The following HECA variants were observed in gnomAD, a reference collection of about 807,000 sequenced individuals.
The protein encoded by HECA is headcase protein homolog.
Under a neutral mutation model 37.6 loss-of-function variants are expected in HECA, and 13 were observed. The ratio of observed to expected loss-of-function variants is 0.35; its 90% CI spans 0.23 to 0.55. The LOEUF is 0.55. HECA is among the 20% of genes least tolerant of loss of function. The pLI, the probability that HECA is intolerant of heterozygous loss-of-function variation, is 0.90. For missense variants in HECA, 527 were observed against 701.9 expected (o/e 0.75, Z 2.82); for synonymous variants, 307 against 291.5 (o/e 1.05, Z -0.54).
chr6:139,144,048 G>C (rs915120514), intron 1 of HECA, among the ~76,000 whole-genome samples: 3 of 152,076 alleles, frequency 2.0e-5, no homozygotes, highest in African/African-American at 7.2e-5. Context: ...AGGAGCCCAG[G>C]ATGTACTTTG....
At chr6:139,136,487 A>T (rs1774438292) in intron 1 of HECA, among the ~76,000 whole-genome samples, 1 of 152,022 alleles carries the variant, frequency 6.6e-6, no homozygotes, top group African/African-American at 2.4e-5. Context: ...ACTTATTTGG[A>T]CAGTTCTTTG....
intron 1 of HECA, among the ~76,000 whole-genome samples, chr6:139,135,935 G>T (rs2114427229): frequency 1.3e-5 from 2 of 152,034 alleles, no homozygotes; most frequent in East Asian, 3.9e-4. Flanking sequence ...CTGCCCTCGG[G>T]CCCAGCCTGC....
intron 1 of HECA, among the ~76,000 whole-genome samples, chr6:139,159,791 C>T (rs1026164679): frequency 7.2e-5 from 11 of 152,164 alleles, no homozygotes; most frequent in African/African-American, 2.7e-4. Context: ...TTAGATTTTG[C>T]CTGGAAAGCC....
chr6:139,138,953 A>G (rs1257299352), intron 1 of HECA, among the ~76,000 whole-genome samples: 1 of 152,256 alleles, frequency 6.6e-6, no homozygotes, highest in Non-Finnish European at 1.5e-5. Context: ...ATCAAAAGGT[A>G]GATACGTAGT....
In HECA at chr6:139,166,558, G is replaced by A. The variant is rs1409910561; in HGVS notation, c.546G>A (p.Gln182=). ...GCTTCTGCTCTTGCCGCTGTGGCCAGGGCCACTTGAAGAAGGACACAGACT... is the reference window on the plus strand; with the variant it reads ...GCTTCTGCTCTTGCCGCTGTGGCCAAGGCCACTTGAAGAAGGACACAGACT... ...AFRFCSCRCG[Q]GHLKKDTDWY... is the part of the protein sequence containing the mutation. Residue 182 remains glutamine, a synonymous_variant, in exon 2 of 4, where the codon CAG becomes CAA. Transcript: ENST00000367658. 2 of 1,614,154 alleles carry A rather than the reference G, an allele frequency of 1.2e-6. No homozygotes were observed. Among genetic ancestry groups the A allele is most frequent in the East Asian group, 2.2e-5 (1 of 44,898 alleles).
intron 1 of HECA, among the ~76,000 whole-genome samples, chr6:139,159,839 ACCCAACT>A (rs1420191730): frequency 6.6e-6 from 1 of 152,186 alleles, no homozygotes; most frequent in Non-Finnish European, 1.5e-5. Flanking sequence ...CCTTCATTCC[ACCCAACT>A]CCCCACCTGC....
In HECA at chr6:139,135,586, G is replaced by C. The variant is rs1198105851; in HGVS notation, c.190G>C (p.Ala64Pro). 9.5e-6 allele frequency: 9 copies of C among 945,738 alleles called. No homozygotes were observed. The highest frequency in any genetic ancestry group is 1.3e-4 in the Admixed American group (2 of 15,396). The allele number at this position is 945,738 out of a possible 1,614,324, so 58.6% of individuals were successfully genotyped here. ...GGGCGCGCCGGGCGCCGGAGGCGCG[G>C]CGGGCGCCGGAGGCGCGGGGACTGG... The part of the protein sequence containing the change: ...AAGAPGAGGA[A>P]GAGGAGTGAA... Residue 64 changes from alanine to proline, a missense_variant, in exon 1 of 4, where the codon GCG becomes CCG. This residue lies in a region of HECA where 172 missense variants were observed against 197.6 expected (regional missense o/e 0.87). Transcript: ENST00000367658.
In HECA at chr6:139,135,377, C is replaced by T. The variant is rs752281828; in HGVS notation, c.-20C>T. ...CGCCTTCGCTGACGCCGGGCACCTA[C>T]CTGGACGCGAGCGAGCGAGATGCCC... On this transcript the variant is annotated 5_prime_UTR_variant, in exon 1 of 4. Coordinates refer to ENST00000367658, the MANE Select transcript of HECA (RefSeq NM_016217.3). The T allele has an allele frequency of 1.5e-6, 2 of 1,353,168 alleles. No homozygotes were observed. The highest frequency in any genetic ancestry group is 2.6e-5 in the Admixed American group (1 of 37,782). The allele number at this position is 1,353,168 out of a possible 1,614,324, so 83.8% of individuals were successfully genotyped here. A position where few individuals can be genotyped will look rare whatever the true frequency, so the allele number is the denominator to read the frequency against.
intron 1 of HECA, among the ~76,000 whole-genome samples, chr6:139,163,895 A>G (rs188806672): frequency 1.0e-3 from 157 of 152,136 alleles, no homozygotes; most frequent in Non-Finnish European, 1.1e-3. Context: ...TCACAGCTCT[A>G]GCTCTCTTGA....
chr6:139,145,228 C>T (rs1354832193), intron 1 of HECA, among the ~76,000 whole-genome samples: 3 of 152,204 alleles, frequency 2.0e-5, no homozygotes, highest in Non-Finnish European at 4.4e-5. Context: ...AGCGAAATAG[C>T]AACTTGCTTT....
At position 139,166,940 on chromosome 6, in the gene HECA, G is replaced by C. The variant is rs568041166; in HGVS notation, c.928G>C (p.Ala310Pro). ...CATCCATCTGGAGCCTCACAAGAAG[G>C]CCATGGCTGGGGGCCATGTGTTCAG... Reference protein sequence around the residue: ...NAIHLEPHKKAMAGGHVFRNA... With the variant: ...NAIHLEPHKKPMAGGHVFRNA... Residue 310 changes from alanine (A) to proline (P), a missense_variant, in exon 2 of 4, where the codon GCC becomes CCC. Ala to Pro is a conservative substitution (Grantham distance 27, BLOSUM62 -1). Coordinates refer to ENST00000367658, the MANE Select transcript of HECA (RefSeq NM_016217.3). 6.2e-7 allele frequency: 1 copy of C among 1,614,122 alleles called. No individual in the cohort carries two copies. Among genetic ancestry groups the C allele is most frequent in the South Asian group, 1.1e-5 (1 of 91,086 alleles).
At position 139,135,454 on chromosome 6, in the gene HECA, G is replaced by A. The variant is rs1483713276; in HGVS notation, c.58G>A (p.Gly20Ser). The A allele has an allele frequency of 7.4e-6, 10 of 1,350,894 alleles. No individual in the cohort carries two copies. The highest frequency in any genetic ancestry group is 9.7e-6 in the Non-Finnish European group (10 of 1,028,946). 83.7% of individuals were successfully genotyped at this position (1,350,894 alleles called of 1,614,324 possible). The change falls in exon 1 of 4, where the codon GGC becomes AGC. Residue 20 changes from glycine to serine, a missense_variant. Gly to Ser is a moderately conservative substitution (Grantham distance 56). Coordinates refer to ENST00000367658, the MANE Select transcript of HECA (RefSeq NM_016217.3). Reference protein sequence around the residue: ...GRKNKRANSSGDEQENGAGAL... With the variant: ...GRKNKRANSSSDEQENGAGAL... ...CAAAAACAAGCGCGCCAACAGCAGC[G>A]GCGACGAGCAGGAAAATGGAGCCGG...
intron 2 of HECA, among the ~76,000 whole-genome samples, chr6:139,174,043 C>G (rs1387102883): frequency 1.3e-5 from 2 of 152,104 alleles, no homozygotes; most frequent in Non-Finnish European, 1.5e-5. Flanking sequence ...AGCAGGAAGT[C>G]CTGCGTGAAT....
At chr6:139,173,979 G>T (rs2114493159) in intron 2 of HECA, among the ~76,000 whole-genome samples, 1 of 152,280 alleles carries the variant, frequency 6.6e-6, no homozygotes, top group Non-Finnish European at 1.5e-5. Flanking sequence ...AAGAGAGCTT[G>T]TGACAAGATC....
At chr6:139,143,064 G>C (rs1351345071) in intron 1 of HECA, among the ~76,000 whole-genome samples, 1 of 152,228 alleles carries the variant, frequency 6.6e-6, no homozygotes, top group Non-Finnish European at 1.5e-5. Context: ...TACAAAGTAA[G>C]ATCTGGAGTT....
At chr6:139,155,743 C>T (rs967010013) in intron 1 of HECA, 1 of 152,108 alleles carries the variant, frequency 6.6e-6, no homozygotes, top group African/African-American at 2.4e-5. Flanking sequence ...TGATTTAGTA[C>T]CCCCAAGATC....
chr6:139,149,493 G>A (rs375642126), intron 1 of HECA, among the ~76,000 whole-genome samples: 6 of 152,322 alleles, frequency 3.9e-5, no homozygotes, highest in African/African-American at 1.4e-4. Flanking sequence ...TTGTAATGTG[G>A]TGCAGTGTGG....
intron 1 of HECA, among the ~76,000 whole-genome samples, chr6:139,146,297 C>G (rs941822048): frequency 6.6e-6 from 1 of 152,144 alleles, no homozygotes; most frequent in African/African-American, 2.4e-5. Flanking sequence ...ATATTTTTCT[C>G]TAGGGGTAAG....
chr6:139,152,406 T>C (rs191508090), intron 1 of HECA, among the ~76,000 whole-genome samples: 3 of 107,354 alleles, frequency 2.8e-5, no homozygotes, highest in Admixed American at 1.8e-4. Flanking sequence ...GTAAACTGTA[T>C]TGAAGCATTG....
Sources: allele counts gnomAD v4.1 joint callset (sites outside exome capture counted in the v4.1 genomes callset), GRCh38; gene constraint gnomAD v4.1.1; regional missense constraint gnomAD v4.1.1; transcripts MANE v1.5; gene names NCBI Gene and HGNC (gene_info 2026-07-23, HGNC 2026-07-21).